The following AGAP1 variants were observed in gnomAD, a reference collection of about 807,000 sequenced individuals.
The protein encoded by AGAP1 is ArfGAP with GTPase domain, ankyrin repeat and PH domain 1.
A neutral mutation model predicts 105.3 loss-of-function variants in AGAP1; 29 were observed. That is an observed-to-expected ratio of 0.28 (90% CI 0.21 to 0.38). AGAP1 has a LOEUF of 0.38. AGAP1 is among the 10% of genes least tolerant of loss of function. AGAP1 has a pLI of 1.00. For synonymous variants in AGAP1, 509 were observed against 485.9 expected, an observed-to-expected ratio of 1.05 and a Z score of -0.63; for missense variants, 998 against 1,165.1, an observed-to-expected ratio of 0.86 and a Z score of 2.09.
intron 12 of AGAP1, among the ~76,000 whole-genome samples, chr2:235,954,263 G>C (rs1295584258): frequency 1.3e-5 from 2 of 151,126 alleles, no homozygotes; most frequent in Non-Finnish European, 2.9e-5. Context: ...AAAATCAGAG[G>C]GACACAGCCA....
chr2:236,088,799 T>C (rs2058991502), intron 16 of AGAP1, among the ~76,000 whole-genome samples: 1 of 152,228 alleles, frequency 6.6e-6, no homozygotes, highest in Non-Finnish European at 1.5e-5. Flanking sequence ...CGAATCTATG[T>C]ATCCTTCTGC....
rs1256871715 is a variant in AGAP1, at chr2:236,123,817, G to A, written c.2371-102G>A. The A allele has an allele frequency of 2.8e-6, 4 of 1,443,396 alleles. No individual in the cohort carries two copies. Among genetic ancestry groups the A allele is most frequent in the South Asian group, 1.3e-5 (1 of 78,138 alleles). The allele number at this position is 1,443,396 out of a possible 1,614,324, so 89.4% of individuals were successfully genotyped here. Reference sequence around the variant, plus strand: ...AGCCAGTTGTGTAGCTGGCCCCGCTGTCCAAGCACAAGCCACATGCAAGGG... The same window carrying A: ...AGCCAGTTGTGTAGCTGGCCCCGCTATCCAAGCACAAGCCACATGCAAGGG... On this transcript the variant is annotated intron_variant, in intron 17 of 17. Transcript: ENST00000304032. The surrounding 1 kb of genome is among the most constrained non-coding windows in gnomAD (Gnocchi z 4.6).
intron 2 of AGAP1, among the ~76,000 whole-genome samples, chr2:235,713,572 C>T (rs1443030932): frequency 1.3e-5 from 2 of 151,922 alleles, no homozygotes; most frequent in Admixed American, 1.3e-4. Context: ...GAGGAATTGT[C>T]AGTATTGGAG....
chr2:235,636,623 A>T (rs1947010819), intron 1 of AGAP1, among the ~76,000 whole-genome samples: 1 of 152,078 alleles, frequency 6.6e-6, no homozygotes, highest in Non-Finnish European at 1.5e-5. Flanking sequence ...ATCCCATGAC[A>T]TTGGGCTAGA....
rs1298963920 is a variant in AGAP1 at position 236,113,259 on chromosome 2, C to T, written c.2115-6933C>T. Among the ~76,000 whole-genome samples the T allele has an allele frequency of 1.6e-5, 2 of 123,592 alleles. No homozygotes were observed. Among genetic ancestry groups the T allele is most frequent in the African/African-American group, 3.0e-5 (1 of 33,596 alleles). The allele number at this position is 123,592 out of a possible 152,430, so 81.1% of individuals were successfully genotyped here. A position where few individuals can be genotyped will look rare whatever the true frequency, so the allele number is the denominator to read the frequency against. Reference sequence around the variant, plus strand: ...GGGTTCAAGCAATTCTCTGCCTCAGCCCCCCCGAGTAGCTGGGATTACAGG... The same window carrying T: ...GGGTTCAAGCAATTCTCTGCCTCAGTCCCCCCGAGTAGCTGGGATTACAGG... On this transcript the variant is annotated intron_variant, in intron 16 of 17. Transcript: ENST00000304032. This position sits in a 1 kb window ranked among gnomAD's most constrained non-coding sequence, Gnocchi z 4.3.
At position 235,814,150 on chromosome 2, in the gene AGAP1, T is replaced by C. The variant is rs192568152; in HGVS notation, c.1050+6819T>C. Among the ~76,000 whole-genome samples, 127 of 152,270 alleles carry C rather than the reference T, an allele frequency of 8.3e-4. 2 individuals carry two copies. The East Asian group carries it at 0.02, about 24-fold the overall frequency. ...GGGTGGTCTTGGAAAATGCAGTGTT[T>C]GGGCGCAAGAACTGGAATGCCTGTC... On this transcript the variant is annotated intron_variant, in intron 9 of 17. Coordinates refer to ENST00000304032, the MANE Select transcript of AGAP1 (RefSeq NM_001037131.3).
intron 1 of AGAP1, among the ~76,000 whole-genome samples, chr2:235,554,362 C>T (rs1297607449): frequency 2.6e-5 from 4 of 152,208 alleles, no homozygotes; most frequent in Non-Finnish European, 4.4e-5. Context: ...CCTCCCAGGG[C>T]CCAGGGGTGA....
At position 235,797,370 on chromosome 2, in the gene AGAP1, G is replaced by T. The variant is rs1957290194; in HGVS notation, c.674-389G>T. Among the ~76,000 whole-genome samples the T allele has an allele frequency of 3.9e-5, 6 of 152,194 alleles. No individual in the cohort carries two copies. The South Asian group carries it at 1.2e-3, about 32-fold the overall frequency. Reference sequence around the variant, plus strand: ...GTCTCCCATGTGGCTCCTGTTCCCAGTGTCGCCTCGTGTTCCACAGTGCTG... The same window carrying T: ...GTCTCCCATGTGGCTCCTGTTCCCATTGTCGCCTCGTGTTCCACAGTGCTG... On this transcript the variant is annotated intron_variant, in intron 6 of 17. Transcript: ENST00000304032.
intron 1 of AGAP1, among the ~76,000 whole-genome samples, chr2:235,616,110 C>T (rs1264837367): frequency 1.3e-5 from 2 of 152,086 alleles, no homozygotes; most frequent in African/African-American, 4.8e-5. Flanking sequence ...AGCCTGTAAT[C>T]CTAGCACTTT....
intron 12 of AGAP1, among the ~76,000 whole-genome samples, chr2:235,944,780 C>T (rs545979519): frequency 2.6e-5 from 4 of 152,234 alleles, no homozygotes; most frequent in African/African-American, 7.2e-5. Flanking sequence ...GCAGTGGCAG[C>T]GACAGCAAGA....
Position 235,801,030 on chromosome 2 carries a change from A to G in AGAP1, c.957+1508A>G, listed in dbSNP as rs1418808922. Among the ~76,000 whole-genome samples the G allele has an allele frequency of 2.0e-5, 3 of 152,048 alleles. No individual in the cohort carries two copies. Among genetic ancestry groups the G allele is most frequent in the Non-Finnish European group, 4.4e-5 (3 of 68,014 alleles). ...GGGAGATCCCCCGCCCCTCTGCCAC[A>G]TGTCTGGGGCAGTCTCTCATTGGAT... On this transcript the variant is annotated intron_variant, in intron 8 of 17. Coordinates refer to ENST00000304032, the MANE Select transcript of AGAP1 (RefSeq NM_001037131.3). The surrounding 1 kb of genome is among the most constrained non-coding windows in gnomAD (Gnocchi z 6.0).
At position 235,614,019 on chromosome 2, in the gene AGAP1, TTC is replaced by T. The variant is rs561133425; in HGVS notation, c.164-95159_164-95158del. The stretch of plus-strand genomic sequence containing the variant: ...GAATCTTTGGTATGGTTTTTTTTTT[TTC>T]CCCCTTTTGTGTGTTTTGGCCAAAT... On this transcript the variant is annotated intron_variant, in intron 1 of 17. Transcript: ENST00000304032. This position sits in a 1 kb window ranked among gnomAD's most constrained non-coding sequence, Gnocchi z 4.7. Among the ~76,000 whole-genome samples, 1,524 of 152,186 alleles carry T rather than the reference TTC, an allele frequency of 0.01. 11 individuals are homozygous for T. The highest frequency in any genetic ancestry group is 0.014 in the Non-Finnish European group (965 of 67,984).
At position 235,968,487 on chromosome 2, in the gene AGAP1, C is replaced by T. The variant is rs1185990654; in HGVS notation, c.1509C>T (p.Cys503=). 8 of 1,608,026 alleles carry T rather than the reference C, an allele frequency of 5.0e-6. No homozygotes were observed. The change falls in exon 13 of 18, where the codon TGC becomes TGT. Residue 503 remains cysteine (C), a synonymous_variant. Transcript: ENST00000304032. ...ACACAGGGCTGGGTGACTCCGTATG[C>T]TCCAGCCCCAGTATCTCCAGCACCA... is the stretch of plus-strand genomic sequence containing the variant. ...SSDTGLGDSV[C]SSPSISSTTS... is the part of the protein sequence containing the mutation.
At chr2:235,925,218 C>T (rs750198469) in intron 11 of AGAP1, among the ~76,000 whole-genome samples, 4 of 152,158 alleles carry the variant, frequency 2.6e-5, no homozygotes, top group Non-Finnish European at 4.4e-5. Context: ...AGACTCACCT[C>T]GTCTACTCCA....
rs891273793 is a variant in AGAP1, at chr2:235,610,883, GCC to G, written c.164-98294_164-98293del. 7.2e-5 allele frequency among the ~76,000 whole-genome samples: 11 copies of G among 152,118 alleles called. No homozygotes were observed. The highest frequency in any genetic ancestry group is 1.5e-5 in the Non-Finnish European group (1 of 67,996). On this transcript the variant is annotated intron_variant, in intron 1 of 17. Transcript: ENST00000304032. The surrounding 1 kb of genome is among the most constrained non-coding windows in gnomAD (Gnocchi z 4.9). Reference sequence around the variant, plus strand: ...ACAGCCTTCTCATTCTTGTCCTGTAGCCCAGTTTCGTTTCACCTGTCCTCTGC... The same window carrying G: ...ACAGCCTTCTCATTCTTGTCCTGTAGCAGTTTCGTTTCACCTGTCCTCTGC...
In AGAP1 at chr2:235,951,090, TATC is replaced by T. The variant is rs1291388758; in HGVS notation, c.1484-17369_1484-17367del. On this transcript the variant is annotated intron_variant, in intron 12 of 17. Coordinates refer to ENST00000304032, the MANE Select transcript of AGAP1 (RefSeq NM_001037131.3). The surrounding 1 kb of genome is among the most constrained non-coding windows in gnomAD (Gnocchi z 4.2). ...AGTAAATTTAATTCTAGTTTTTAAA[TATC>T]ATTAATTCTGGAGGTTGCACTCTGA... 2.0e-5 allele frequency among the ~76,000 whole-genome samples: 3 copies of T among 152,202 alleles called. No homozygotes were observed. Among genetic ancestry groups the T allele is most frequent in the African/African-American group, 7.2e-5 (3 of 41,456 alleles).
At chr2:235,913,648 C>A (rs889976313) in intron 11 of AGAP1, among the ~76,000 whole-genome samples, 6 of 152,094 alleles carry the variant, frequency 3.9e-5, no homozygotes, top group Non-Finnish European at 7.4e-5. Flanking sequence ...GAATATTTCT[C>A]TTTTATCTTC....
rs565982260 is a variant in AGAP1, at chr2:235,612,909, G to A, written c.164-96270G>A. On this transcript the variant is annotated intron_variant, in intron 1 of 17. Coordinates refer to ENST00000304032, the MANE Select transcript of AGAP1 (RefSeq NM_001037131.3). This position sits in a 1 kb window ranked among gnomAD's most constrained non-coding sequence, Gnocchi z 4.3. The stretch of plus-strand genomic sequence containing the variant: ...TTGTGGCCTTTTATCTCTCCAATGT[G>A]AGGCATCTCTGATGATGCCTAAGGA... 4.6e-5 allele frequency among the ~76,000 whole-genome samples: 7 copies of A among 152,300 alleles called. No individual in the cohort carries two copies. The highest frequency in any genetic ancestry group is 8.8e-5 in the Non-Finnish European group (6 of 68,034).
At chr2:235,583,289 G>A (rs1944993911) in intron 1 of AGAP1, among the ~76,000 whole-genome samples, 2 of 151,604 alleles carry the variant, frequency 1.3e-5, no homozygotes, top group Non-Finnish European at 2.9e-5. Context: ...TTGAACCTTG[G>A]TCTTAAATGA....
Sources: gnomAD v4.1 joint callset for allele counts (sites outside exome capture counted in the v4.1 genomes callset) on GRCh38, gnomAD v4.1.1 for gene constraint, Gnocchi (gnomAD v3.1) non-coding constraint, MANE v1.5 for transcripts, NCBI Gene and HGNC (gene_info 2026-07-23, HGNC 2026-07-21) for gene names.